The following ANKS1B variants were observed in gnomAD, a reference collection of about 807,000 sequenced individuals.
ANKS1B encodes ankyrin repeat and sterile alpha motif domain containing 1B, also known as ankyrin repeat and sterile alpha motif domain-containing protein 1B.
ANKS1B carries 36 observed loss-of-function variants against 148.3 expected under a neutral mutation model. The ratio of observed to expected loss-of-function variants is 0.24; its 90% CI spans 0.19 to 0.32. ANKS1B has a LOEUF of 0.32. Ranked by LOEUF, ANKS1B falls within the 10% of genes least tolerant of loss-of-function variation. The pLI, the probability that ANKS1B is intolerant of heterozygous loss-of-function variation, is 1.00. For synonymous variants in ANKS1B, 542 were observed against 560.8 expected (o/e 0.97, Z 0.47); for missense variants, 1,157 against 1,542.6 (o/e 0.75, Z 4.19).
chr12:98,875,512 C>A (rs2099686527), intron 17 of ANKS1B, among the ~76,000 whole-genome samples: 1 of 152,158 alleles, frequency 6.6e-6, no homozygotes, highest in Non-Finnish European at 1.5e-5. Flanking sequence ...GTCTGTTTGC[C>A]TGTCTACCCC....
chr12:99,292,183 G>T (rs1201317512), intron 12 of ANKS1B, among the ~76,000 whole-genome samples: 8 of 151,890 alleles, frequency 5.3e-5, no homozygotes, highest in African/African-American at 1.7e-4. Flanking sequence ...AAGAGCTTCT[G>T]CACGGCAAAA....
intron 17 of ANKS1B, among the ~76,000 whole-genome samples, chr12:98,942,702 G>A (rs1275711691): frequency 6.6e-6 from 1 of 152,196 alleles, no homozygotes; most frequent in African/African-American, 2.4e-5. Context: ...TGCACGCAGT[G>A]AGGGTGAAGT....
intron 10 of ANKS1B, among the ~76,000 whole-genome samples, chr12:99,463,925 T>C (rs1296614877): frequency 6.6e-6 from 1 of 152,140 alleles, no homozygotes; most frequent in Non-Finnish European, 1.5e-5. Flanking sequence ...TCTGACAGCT[T>C]TGAAGAGAGC....
At chr12:99,703,121 C>A (rs1202985510) in intron 8 of ANKS1B, among the ~76,000 whole-genome samples, 1 of 152,004 alleles carries the variant, frequency 6.6e-6, no homozygotes, top group Non-Finnish European at 1.5e-5. Context: ...GTTTCTTTGG[C>A]CATTAAAGGA....
chr12:98,780,858 A>G (rs908361106), intron 24 of ANKS1B, among the ~76,000 whole-genome samples: 2 of 152,224 alleles, frequency 1.3e-5, no homozygotes, highest in Non-Finnish European at 1.5e-5. Flanking sequence ...AGAAAGCATC[A>G]TGACAAAGTG....
intron 9 of ANKS1B, among the ~76,000 whole-genome samples, chr12:99,550,276 A>G (rs2153163262): frequency 6.6e-6 from 1 of 152,308 alleles, no homozygotes; most frequent in Admixed American, 6.5e-5. Context: ...TGTCAAAATC[A>G]TAAGGGCTGC....
At chr12:99,235,184 A>G (rs780742950) in intron 14 of ANKS1B, among the ~76,000 whole-genome samples, 6 of 152,220 alleles carry the variant, frequency 3.9e-5, no homozygotes, top group Admixed American at 2.0e-4. Flanking sequence ...AATGCCCTTA[A>G]GAGGCAGCTT....
At chr12:99,332,177 A>G (rs551887931) in intron 12 of ANKS1B, among the ~76,000 whole-genome samples, 4 of 152,158 alleles carry the variant, frequency 2.6e-5, no homozygotes, top group South Asian at 2.1e-4. Flanking sequence ...GGAGCTTATT[A>G]GAAGTGCAGA....
chr12:99,761,539 A>G (rs2062116012), intron 8 of ANKS1B, among the ~76,000 whole-genome samples: 1 of 152,020 alleles, frequency 6.6e-6, no homozygotes, highest in Non-Finnish European at 1.5e-5. Context: ...GCATCAAAGA[A>G]ACACAACTCA....
At chr12:99,173,827 C>T (rs1381960386) in intron 14 of ANKS1B, among the ~76,000 whole-genome samples, 2 of 152,046 alleles carry the variant, frequency 1.3e-5, no homozygotes, top group Admixed American at 6.6e-5. Flanking sequence ...TCTCATTACT[C>T]GTAGTTCCTG....
chr12:99,132,770 T>C (rs2066543133), intron 15 of ANKS1B, among the ~76,000 whole-genome samples: 1 of 152,180 alleles, frequency 6.6e-6, no homozygotes, highest in Non-Finnish European at 1.5e-5. Flanking sequence ...TGTCTATTAA[T>C]ATAGTGTTAT....
intron 4 of ANKS1B, among the ~76,000 whole-genome samples, chr12:99,791,526 A>C (rs996329538): frequency 1.3e-5 from 2 of 152,062 alleles, no homozygotes; most frequent in African/African-American, 4.8e-5. Flanking sequence ...AAATTTTTAA[A>C]CATTTTTTAA....
intron 19 of ANKS1B, among the ~76,000 whole-genome samples, chr12:98,814,662 T>A (rs903166257): frequency 1.3e-5 from 2 of 152,178 alleles, no homozygotes; most frequent in South Asian, 4.1e-4. Flanking sequence ...CATGAAAGAA[T>A]GTTAATCACC....
chr12:99,524,964 C>G (rs2096912221), intron 9 of ANKS1B, among the ~76,000 whole-genome samples: 1 of 152,160 alleles, frequency 6.6e-6, no homozygotes, highest in Non-Finnish European at 1.5e-5. Context: ...GAATCAAGGA[C>G]TGTGAGCAGC....
At chr12:99,391,654 T>C (rs1339492029) in intron 12 of ANKS1B, among the ~76,000 whole-genome samples, 2 of 152,166 alleles carry the variant, frequency 1.3e-5, no homozygotes, top group Non-Finnish European at 2.9e-5. Flanking sequence ...TCATTTGGAG[T>C]AGCAAGTCCC....
At chr12:99,841,813 C>T (rs1384941556) in intron 1 of ANKS1B, among the ~76,000 whole-genome samples, 1 of 151,662 alleles carries the variant, frequency 6.6e-6, no homozygotes, top group Non-Finnish European at 1.5e-5. Flanking sequence ...TGTTATTGTC[C>T]ATATTTACAG....
chr12:99,291,975 TC>T (rs1309323420), intron 12 of ANKS1B, among the ~76,000 whole-genome samples: 1 of 152,160 alleles, frequency 6.6e-6, no homozygotes, highest in Non-Finnish European at 1.5e-5. Context: ...TGAAACTGGA[TC>T]CCTTCTTTAC....
intron 19 of ANKS1B, among the ~76,000 whole-genome samples, chr12:98,825,961 G>T (rs2099245623): frequency 6.6e-6 from 1 of 152,226 alleles, no homozygotes. Context: ...AGTACTTTGA[G>T]AATTTAAAAT....
intron 17 of ANKS1B, among the ~76,000 whole-genome samples, chr12:99,047,270 C>T (rs2099963114): frequency 6.6e-6 from 1 of 152,084 alleles, no homozygotes; most frequent in South Asian, 2.1e-4. Flanking sequence ...TGTGGTGTCG[C>T]ATGCCTGCAG....
Sources: gnomAD v4.1 joint callset for allele counts (sites outside exome capture counted in the v4.1 genomes callset) on GRCh38, gnomAD v4.1.1 for gene constraint, MANE v1.5 for transcripts, NCBI Gene and HGNC (gene_info 2026-07-23, HGNC 2026-07-21) for gene names.